MGST1: variants seen among roughly 807,000 people sequenced by gnomAD.
MGST1 encodes microsomal glutathione S-transferase 1.
In MGST1, 5 loss-of-function variants were observed where a neutral mutation model predicts 8.9. That is an observed-to-expected ratio of 0.56 (90% CI 0.29 to 1.19). The LOEUF (loss-of-function observed/expected upper bound fraction) is 1.19. Among genes scored for constraint, MGST1 ranks in the 50% most tolerant of loss-of-function variants. The pLI, the probability that MGST1 is intolerant of heterozygous loss-of-function variation, is 0.08. For synonymous variants in MGST1, 54 were observed against 67.8 expected, an observed-to-expected ratio of 0.80 and a Z score of 1.00; for missense variants, 182 against 187.4, an observed-to-expected ratio of 0.97 and a Z score of 0.17.
intron 4 of MGST1, among the ~76,000 whole-genome samples, chr12:16,523,165 C>T (rs1941659559): frequency 6.6e-6 from 1 of 151,924 alleles, no homozygotes; most frequent in African/African-American, 2.4e-5. Flanking sequence ...TAAATTAGAA[C>T]CATCCTATTT....
At chr12:16,498,644 T>G (rs1173471137) in intron 4 of MGST1, among the ~76,000 whole-genome samples, 1 of 152,162 alleles carries the variant, frequency 6.6e-6, no homozygotes, top group Non-Finnish European at 1.5e-5. Context: ...TTTGAAGAAA[T>G]AGGCTGAGCC....
rs1943331296 is a variant in MGST1 at position 16,586,656 on chromosome 12, G to A, written n.483-2872G>A. 6.6e-6 allele frequency among the ~76,000 whole-genome samples: 1 copy of A among 152,276 alleles called. No individual in the cohort carries two copies. The highest frequency in any genetic ancestry group is 1.5e-5 in the Non-Finnish European group (1 of 68,030). On this transcript the variant is annotated intron_variant and non_coding_transcript_variant, in intron 4 of 4. Transcript: ENST00000538857. The surrounding 1 kb of genome is among the most constrained non-coding windows in gnomAD (Gnocchi z 4.3). ...AGCCTGTCCTAGGATGTGGCAATAA[G>A]GCTATACCGTCGGGGTAGAGATTTC... is the stretch of plus-strand genomic sequence containing the variant.
At chr12:16,554,921 CAAAGTGCTGGGATTACCGGCATTA>C (rs1942137227) in intron 4 of MGST1, among the ~76,000 whole-genome samples, 1 of 152,182 alleles carries the variant, frequency 6.6e-6, no homozygotes, top group South Asian at 2.1e-4. Flanking sequence ...CTCGGCCTCC[CAAAGTGCTGGGATTACCGGCATTA>C]GCCACCGCGC....
intron 4 of MGST1, among the ~76,000 whole-genome samples, chr12:16,556,620 G>C (rs1225664206): frequency 6.6e-6 from 1 of 152,128 alleles, no homozygotes; most frequent in Non-Finnish European, 1.5e-5. Flanking sequence ...TTACCTATTT[G>C]CCTTGTGTTT....
At chr12:16,372,640 A>G (rs1019497395) in intron 3 of MGST1, among the ~76,000 whole-genome samples, 3 of 152,022 alleles carry the variant, frequency 2.0e-5, no homozygotes, top group South Asian at 2.1e-4. Context: ...AGAATTAAAA[A>G]TAGAATTACC....
Position 16,482,675 on chromosome 12 carries a change from A to G in MGST1, n.482+99071A>G, listed in dbSNP as rs1377973093. Among the ~76,000 whole-genome samples the G allele has an allele frequency of 1.3e-5, 2 of 152,096 alleles. No homozygotes were observed. Among genetic ancestry groups the G allele is most frequent in the Non-Finnish European group, 2.9e-5 (2 of 67,986 alleles). ...TGAGAACATGTAAAAATGCAAGAAC[A>G]TGTAAAAATGCAACAACAAGTTGAT... On this transcript the variant is annotated intron_variant and non_coding_transcript_variant, in intron 4 of 4. Coordinates refer to the MGST1 transcript ENST00000538857. This position sits in a 1 kb window ranked among gnomAD's most constrained non-coding sequence, Gnocchi z 4.2.
At chr12:16,556,784 T>G (rs1404437475) in intron 4 of MGST1, among the ~76,000 whole-genome samples, 1 of 152,196 alleles carries the variant, frequency 6.6e-6, no homozygotes, top group Non-Finnish European at 1.5e-5. Flanking sequence ...CTGCTTTGCT[T>G]GACTGATGAA....
chr12:16,479,535 C>CTTTTTTTTTT (rs71054820), intron 4 of MGST1, among the ~76,000 whole-genome samples: 4 of 113,098 alleles, frequency 3.5e-5, no homozygotes, highest in South Asian at 5.7e-4. Context: ...CGCCCGGCCT[C>CTTTTTTTTTT]TTTTTTTTTT....
chr12:16,391,407 A>G (rs978364804), intron 1 of MGST1, among the ~76,000 whole-genome samples: 14 of 151,742 alleles, frequency 9.2e-5, no homozygotes, highest in Non-Finnish European at 2.1e-4. Flanking sequence ...TTGAGTGAGA[A>G]CATGCAGTGT....
At chr12:16,445,753 G>A (rs1941075184) in intron 4 of MGST1, among the ~76,000 whole-genome samples, 1 of 151,794 alleles carries the variant, frequency 6.6e-6, no homozygotes, top group African/African-American at 2.4e-5. Flanking sequence ...TTGAATTTGT[G>A]GTAACCTGAA....
At position 16,479,235 on chromosome 12, in the gene MGST1, C is replaced by CTTTTTTT. The variant is rs542448251; in HGVS notation, n.482+95644_482+95650dup. ...ATAACGTATTTTTAATAGACTGTATCTTTTTTTTTTTTTTTTTTTGACGGA... is the reference window on the plus strand; with the variant it reads ...ATAACGTATTTTTAATAGACTGTATCTTTTTTTTTTTTTTTTTTTTTTTTTTGACGGA... On this transcript the variant is annotated intron_variant and non_coding_transcript_variant, in intron 4 of 4. Transcript: ENST00000538857. 5.8e-4 allele frequency among the ~76,000 whole-genome samples: 65 copies of CTTTTTTT among 112,040 alleles called. 2 individuals are homozygous for CTTTTTTT. Among genetic ancestry groups the CTTTTTTT allele is most frequent in the Non-Finnish European group, 8.1e-4 (48 of 59,092 alleles). The allele number at this position is 112,040 out of a possible 152,430, so 73.5% of individuals were successfully genotyped here.
intron 1 of MGST1, among the ~76,000 whole-genome samples, chr12:16,407,662 C>G (rs186673041): frequency 3.4e-3 from 510 of 152,198 alleles, no homozygotes; most frequent in South Asian, 0.016. Context: ...TGGAATCTAC[C>G]TAAGTGCCCA....
At chr12:16,425,410 A>C (rs1281024720) in intron 1 of MGST1, among the ~76,000 whole-genome samples, 1 of 152,168 alleles carries the variant, frequency 6.6e-6, no homozygotes, top group East Asian at 1.9e-4. Flanking sequence ...AGCCTCCTCA[A>C]GTAGTGAGAT....
intron 4 of MGST1, among the ~76,000 whole-genome samples, chr12:16,556,100 T>C (rs1249730209): frequency 6.6e-6 from 1 of 152,182 alleles, no homozygotes; most frequent in Non-Finnish European, 1.5e-5. Flanking sequence ...CAGTGCTTTA[T>C]TCTTAAAAAA....
intron 1 of MGST1, among the ~76,000 whole-genome samples, chr12:16,416,379 A>G (rs1788300091): frequency 6.6e-6 from 1 of 152,174 alleles, no homozygotes; most frequent in African/African-American, 2.4e-5. Flanking sequence ...TAGTGCTAAC[A>G]CTGAGGATTG....
chr12:16,485,666 T>A (rs999081536), intron 4 of MGST1, among the ~76,000 whole-genome samples: 3 of 152,166 alleles, frequency 2.0e-5, no homozygotes, highest in Non-Finnish European at 2.9e-5. Flanking sequence ...AAACAATTTA[T>A]GGACAAAAGA....
intron 4 of MGST1, among the ~76,000 whole-genome samples, chr12:16,527,630 T>C (rs978435238): frequency 7.2e-5 from 11 of 151,978 alleles, no homozygotes; most frequent in African/African-American, 2.7e-4. Context: ...AGTCTGAGGT[T>C]CTGGAATCTT....
chr12:16,390,149 T>C (rs1039111880), intron 1 of MGST1, among the ~76,000 whole-genome samples: 6 of 151,964 alleles, frequency 3.9e-5, no homozygotes, highest in South Asian at 4.1e-4. Flanking sequence ...CAGGGGCATA[T>C]ACAGGTTTTA....
At chr12:16,376,042 TA>T in intron 3 of MGST1, 1 of 980,858 alleles carries the variant, frequency 1.0e-6, no homozygotes. Flanking sequence ...TACATATATA[TA>T]AATGTATTTT....
Sources: allele counts gnomAD v4.1 joint callset (sites outside exome capture counted in the v4.1 genomes callset), GRCh38; gene constraint gnomAD v4.1.1; non-coding constraint Gnocchi (gnomAD v3.1); transcripts MANE v1.5; gene names NCBI Gene and HGNC (gene_info 2026-07-23, HGNC 2026-07-21).